GRIN2A: variants seen among roughly 807,000 people sequenced by gnomAD.
GRIN2A encodes glutamate ionotropic receptor NMDA type subunit 2A.
A neutral mutation model predicts 113.4 loss-of-function variants in GRIN2A; 22 were observed. That is an observed-to-expected ratio of 0.19 (90% CI 0.14 to 0.28). The LOEUF is 0.28. GRIN2A is among the 10% of genes least tolerant of loss of function. The probability of loss-of-function intolerance (pLI) is 1.00; values close to 1 mark genes in which losing one functional copy is unlikely to be tolerated. For missense variants in GRIN2A, 1,502 were observed against 1,887.0 expected, an observed-to-expected ratio of 0.80 and a Z score of 3.78; for synonymous variants, 827 against 738.4, an observed-to-expected ratio of 1.12 and a Z score of -1.94.
chr16:10,164,186 A>G (rs185957709), intron 2 of GRIN2A, among the ~76,000 whole-genome samples: 1 of 152,298 alleles, frequency 6.6e-6, no homozygotes, highest in East Asian at 1.9e-4. Flanking sequence ...TTTACTCACA[A>G]CCTTTGTCAA....
intron 9 of GRIN2A, among the ~76,000 whole-genome samples, chr16:9,827,694 G>T (rs2042411844): frequency 6.6e-6 from 1 of 152,190 alleles, no homozygotes; most frequent in Non-Finnish European, 1.5e-5. Context: ...GGCTTTGTCA[G>T]CAAAGCACAG....
At chr16:9,912,240 T>G (rs751989241) in intron 3 of GRIN2A, among the ~76,000 whole-genome samples, 2 of 151,872 alleles carry the variant, frequency 1.3e-5, no homozygotes, top group African/African-American at 4.8e-5. Flanking sequence ...TGATAGATAA[T>G]GATGTTGGTG....
At chr16:10,000,819 C>T (rs1261401882) in intron 2 of GRIN2A, among the ~76,000 whole-genome samples, 1 of 152,092 alleles carries the variant, frequency 6.6e-6, no homozygotes. Context: ...GGGTGCAATA[C>T]TGCATATCTT....
intron 2 of GRIN2A, chr16:10,179,722 C>T (rs534094715): frequency 1.6e-5 from 8 of 513,836 alleles, no homozygotes; most frequent in Middle Eastern, 8.0e-4. Context: ...CACCACCCCA[C>T]AGCCTACTTC....
chr16:10,087,911 G>A (rs1463536173), intron 2 of GRIN2A, among the ~76,000 whole-genome samples: 3 of 15,534 alleles, frequency 1.9e-4, no homozygotes, highest in Non-Finnish European at 6.3e-3. Flanking sequence ...GGCTGGTCTC[G>A]AACTCTGGGC....
chr16:10,061,425 G>A (rs1232407058), intron 2 of GRIN2A, among the ~76,000 whole-genome samples: 1 of 152,136 alleles, frequency 6.6e-6, no homozygotes, highest in East Asian at 1.9e-4. Context: ...ATATGCACCT[G>A]CCCGAATACT....
intron 2 of GRIN2A, among the ~76,000 whole-genome samples, chr16:9,998,831 CT>C (rs1235218807): frequency 1.3e-5 from 2 of 152,100 alleles, no homozygotes; most frequent in African/African-American, 4.8e-5. Flanking sequence ...CCTCCTCCCC[CT>C]CCTGCAAAAA....
chr16:10,108,514 G>T (rs1446681095), intron 2 of GRIN2A, among the ~76,000 whole-genome samples: 1 of 152,178 alleles, frequency 6.6e-6, no homozygotes, highest in East Asian at 1.9e-4. Flanking sequence ...AGGTAACAGA[G>T]CCAGAACTCA....
At chr16:10,048,843 G>C (rs1213497631) in intron 2 of GRIN2A, among the ~76,000 whole-genome samples, 1 of 152,138 alleles carries the variant, frequency 6.6e-6, no homozygotes, top group Non-Finnish European at 1.5e-5. Flanking sequence ...GAGGGTTTCT[G>C]TTCCTAATGC....
chr16:9,771,559 C>A lies in GRIN2A; in HGVS notation c.2357-2470G>T, dbSNP rs61469441. Among the ~76,000 whole-genome samples, 13 of 150,984 alleles carry A rather than the reference C, an allele frequency of 8.6e-5. No homozygotes were observed. The East Asian group carries it at 1.4e-3, about 16-fold the overall frequency. On this transcript the variant is annotated intron_variant, in intron 11 of 12. Coordinates refer to ENST00000330684, the MANE Select transcript of GRIN2A (RefSeq NM_001134407.3). ...TCTAGTCTTTCAGATTACTCCCCCC[C>A]ACCCCCACCTTAGTTCTTGGGATTC...
chr16:9,841,024 G>T lies in GRIN2A; in HGVS notation c.1409C>A (p.Thr470Asn), dbSNP rs752320310. 1 of 1,613,256 alleles carries T rather than the reference G, an allele frequency of 6.2e-7. No homozygotes were observed. The highest frequency in any genetic ancestry group is 8.5e-7 in the Non-Finnish European group (1 of 1,179,238). The change falls in exon 6 of 13, where the codon ACT becomes AAT. Residue 470 changes from threonine to asparagine, a missense_variant. Around this residue, in one of 7 missense-constraint regions of GRIN2A, gnomAD observed 82 missense variants for 222.7 expected, o/e 0.37. Coordinates refer to ENST00000330684, the MANE Select transcript of GRIN2A (RefSeq NM_001134407.3). ...ATAGAGGTCGTAAGTAAACTTCACA[G>T]TTCTGGAAAGCTTCTTCAGAATATC... The part of the protein sequence containing the change: ...CIDILKKLSR[T>N]VKFTYDLYLV...
At chr16:9,958,307 C>G (rs1335216539) in intron 2 of GRIN2A, among the ~76,000 whole-genome samples, 2 of 152,122 alleles carry the variant, frequency 1.3e-5, no homozygotes, top group Non-Finnish European at 2.9e-5. Context: ...TGCCACAAAG[C>G]CATGGCTCCC....
chr16:10,106,136 AC>A (rs1329696479), intron 2 of GRIN2A, among the ~76,000 whole-genome samples: 2 of 151,910 alleles, frequency 1.3e-5, no homozygotes, highest in Non-Finnish European at 1.5e-5. Flanking sequence ...AGGCATGCGT[AC>A]TTCCCCATCT....
In GRIN2A at chr16:9,764,692, C is replaced by T. The variant is rs139795367; in HGVS notation, c.2852G>A (p.Gly951Glu). Reference sequence around the variant, plus strand: ...GTTGTCTCCAAAAATGCTCTCTTTCCCCTGAAAGGACCTGTTGTCTGAGTA... The same window carrying T: ...GTTGTCTCCAAAAATGCTCTCTTTCTCCTGAAAGGACCTGTTGTCTGAGTA... ...LMYSDNRSFQGKESIFGDNMN... is the reference protein window; with the variant it reads ...LMYSDNRSFQEKESIFGDNMN... The change falls in exon 13 of 13, where the codon GGG becomes GAG. Residue 951 changes from glycine (G) to glutamate (E), a missense_variant. Coordinates refer to ENST00000330684, the MANE Select transcript of GRIN2A (RefSeq NM_001134407.3). The T allele has an allele frequency of 6.2e-7, 1 of 1,614,202 alleles. No homozygotes were observed. Among genetic ancestry groups the T allele is most frequent in the Non-Finnish European group, 8.5e-7 (1 of 1,180,024 alleles).
In GRIN2A at chr16:10,136,775, CTG is replaced by C. The variant is rs1332345674; in HGVS notation, c.414+43221_414+43222del. Reference sequence around the variant, plus strand: ...GGGGAACTGACCTTGGGCCTCACGACTGTGCTAAGCACTTAACATACAATGTT... The same window carrying C: ...GGGGAACTGACCTTGGGCCTCACGACTGCTAAGCACTTAACATACAATGTT... On this transcript the variant is annotated intron_variant, in intron 2 of 12. Coordinates refer to ENST00000330684, the MANE Select transcript of GRIN2A (RefSeq NM_001134407.3). 7.2e-5 allele frequency among the ~76,000 whole-genome samples: 11 copies of C among 152,284 alleles called. 1 individual carries two copies. In the East Asian group the frequency reaches 2.1e-3, roughly 29 times the overall value.
rs1193957064 is a variant in GRIN2A at position 9,798,270 on chromosome 16, G to A, written c.2356+7C>T. ...CCCCTAAAGAAAGGGGTCACCCGGG[G>A]TCTTACCATCACCCACAAACTGAAG... On this transcript the variant is annotated splice_region_variant and intron_variant, in intron 11 of 12. Transcript: ENST00000330684. 19 of 1,612,176 alleles carry A rather than the reference G, an allele frequency of 1.2e-5. No individual in the cohort carries two copies. The highest frequency in any genetic ancestry group is 1.6e-4 in the Middle Eastern group (1 of 6,072).
intron 2 of GRIN2A, among the ~76,000 whole-genome samples, chr16:9,945,396 G>C (rs2044994192): frequency 2.0e-5 from 3 of 152,082 alleles, no homozygotes; most frequent in Non-Finnish European, 4.4e-5. Context: ...GGTTCGTCAA[G>C]TTCAGGGAAC....
chr16:10,037,011 C>G (rs996107081), intron 2 of GRIN2A: 2 of 152,110 alleles, frequency 1.3e-5, no homozygotes, highest in Admixed American at 6.5e-5. Context: ...CAGATGACAC[C>G]TCTGATCCCA....
Position 10,166,005 on chromosome 16 carries a change from T to C in GRIN2A, c.414+13993A>G, listed in dbSNP as rs76738474. On this transcript the variant is annotated intron_variant, in intron 2 of 12. Coordinates refer to ENST00000330684, the MANE Select transcript of GRIN2A (RefSeq NM_001134407.3). ...CCAGAACTACAGCAAGCCTGCCTTTTTCCACAGCTCCACAGCTTCTTCACA... is the reference window on the plus strand; with the variant it reads ...CCAGAACTACAGCAAGCCTGCCTTTCTCCACAGCTCCACAGCTTCTTCACA... Among the ~76,000 whole-genome samples, 632 of 152,302 alleles carry C rather than the reference T, an allele frequency of 4.1e-3. 20 individuals are homozygous for C. In the East Asian group the frequency reaches 0.085, roughly 20 times the overall value.
Sources: allele counts gnomAD v4.1 joint callset (sites outside exome capture counted in the v4.1 genomes callset), GRCh38; gene constraint gnomAD v4.1.1; regional missense constraint gnomAD v4.1.1; transcripts MANE v1.5; gene names NCBI Gene and HGNC (gene_info 2026-07-23, HGNC 2026-07-21).